Variants in PRELID2 observed in about 807,000 individuals in gnomAD.
PRELID2 encodes the protein PRELI domain-containing protein 2.
Under a neutral mutation model 28.4 loss-of-function variants are expected in PRELID2, and 25 were observed. The observed-to-expected ratio is 0.88, with a 90% confidence interval of 0.64 to 1.23. The LOEUF (loss-of-function observed/expected upper bound fraction) is 1.23. PRELID2 is among the 50% of genes most tolerant of loss of function. The pLI is 0.00. For missense variants in PRELID2, 201 were observed against 214.4 expected (o/e 0.94, Z 0.39); for synonymous variants, 76 against 71.6 (o/e 1.06, Z -0.31).
At position 145,694,800 on chromosome 5, in the gene PRELID2, G is replaced by GA. The variant is rs111466637; in HGVS notation, n.70+70130dup. Among the ~76,000 whole-genome samples, 972 of 140,764 alleles carry GA rather than the reference G, an allele frequency of 6.9e-3. 14 individuals are homozygous for GA. Among genetic ancestry groups the GA allele is most frequent in the African/African-American group, 0.021 (838 of 38,978 alleles). 92.3% of individuals were successfully genotyped at this position (140,764 alleles called of 152,430 possible). On this transcript the variant is annotated intron_variant and non_coding_transcript_variant, in intron 1 of 2. Coordinates refer to the PRELID2 transcript ENST00000510259. ...TAGAAGACAATAATTGCATCCAAAG[G>GA]AAAAAAAAAAAAGGAAAGAGTGGCA...
intron 1 of PRELID2, among the ~76,000 whole-genome samples, chr5:145,742,840 T>G (rs750278834): frequency 6.6e-6 from 1 of 151,874 alleles, no homozygotes; most frequent in Non-Finnish European, 1.5e-5. Context: ...ATTAAACTTC[T>G]AGCAAGACTG....
rs992579413 is a variant in PRELID2, at chr5:145,724,608, T to A, written n.70+40323A>T. On this transcript the variant is annotated intron_variant and non_coding_transcript_variant, in intron 1 of 2. Transcript: ENST00000510259. ...ATAACAAGAAGTAAATAAATATATA[T>A]ATATATATATATATATATATATATA... Among the ~76,000 whole-genome samples the A allele has an allele frequency of 2.6e-3, 116 of 44,332 alleles. 2 individuals carry two copies. Among genetic ancestry groups the A allele is most frequent in the African/African-American group, 0.016 (102 of 6,186 alleles). The allele number at this position is 44,332 out of a possible 152,430, so 29.1% of individuals were successfully genotyped here. A position where few individuals can be genotyped will look rare whatever the true frequency, so the allele number is the denominator to read the frequency against.
At chr5:145,555,974 T>C (rs1752876496) in intron 1 of PRELID2, among the ~76,000 whole-genome samples, 1 of 152,020 alleles carries the variant, frequency 6.6e-6, no homozygotes, top group African/African-American at 2.4e-5. Context: ...GCTCAGGAGT[T>C]CGAGACTAGC....
the PRELID2 span, among the ~76,000 whole-genome samples, chr5:145,313,208 T>A: frequency 2.0e-5 from 3 of 152,332 alleles, no homozygotes; most frequent in East Asian, 5.8e-4. Flanking sequence ...TTAATGCAGT[T>A]ATACCTTCAA....
chr5:145,654,189 A>T (rs1264357098), intron 1 of PRELID2, among the ~76,000 whole-genome samples: 1 of 152,242 alleles, frequency 6.6e-6, no homozygotes, highest in East Asian at 1.9e-4. Flanking sequence ...CCCTCCCAAG[A>T]CTAAACCAGG....
the PRELID2 span, among the ~76,000 whole-genome samples, chr5:145,337,733 T>TATATA: frequency 3.1e-5 from 3 of 96,076 alleles, no homozygotes; most frequent in Admixed American, 1.2e-4. Flanking sequence ...ATATATATAC[T>TATATA]CACACACACA....
At chr5:145,244,120 A>AT in the PRELID2 span, among the ~76,000 whole-genome samples, 2 of 151,880 alleles carry the variant, frequency 1.3e-5, no homozygotes, top group African/African-American at 4.8e-5. Context: ...TGCCCAGATA[A>AT]TTTTTTGTAT....
intron 3 of PRELID2, chr5:145,819,565 G>T: frequency 3.5e-6 from 2 of 577,516 alleles, no homozygotes; most frequent in Non-Finnish European, 6.0e-6. Context: ...AGAAACTGAA[G>T]TTTTTCTCTT....
chr5:145,399,301 C>G, the PRELID2 span, among the ~76,000 whole-genome samples: 1 of 151,990 alleles, frequency 6.6e-6, no homozygotes, highest in Admixed American at 6.6e-5. Context: ...AAAGCCACTC[C>G]TGGTTAAGAA....
chr5:145,698,619 C>T (rs1051561784), intron 1 of PRELID2, among the ~76,000 whole-genome samples: 2 of 152,164 alleles, frequency 1.3e-5, no homozygotes, highest in African/African-American at 2.4e-5. Flanking sequence ...GTAGAAGGGG[C>T]AATGCAGCTG....
At chr5:145,334,136 C>A in the PRELID2 span, among the ~76,000 whole-genome samples, 10 of 152,224 alleles carry the variant, frequency 6.6e-5, no homozygotes, top group African/African-American at 2.4e-4. Flanking sequence ...AGAAGAGCTG[C>A]GTACCTCAGC....
At chr5:145,654,708 C>G (rs986149119) in intron 1 of PRELID2, among the ~76,000 whole-genome samples, 1 of 152,102 alleles carries the variant, frequency 6.6e-6, no homozygotes, top group Non-Finnish European at 1.5e-5. Context: ...ACCCTTCATG[C>G]TAAAAACTCT....
At chr5:145,527,881 A>T (rs985679369) in intron 1 of PRELID2, among the ~76,000 whole-genome samples, 11 of 152,312 alleles carry the variant, frequency 7.2e-5, no homozygotes, top group East Asian at 3.9e-4. Flanking sequence ...GAAAGTGTTA[A>T]CTTTATTATC....
the PRELID2 span, among the ~76,000 whole-genome samples, chr5:145,266,783 C>A: frequency 1.3e-5 from 2 of 151,956 alleles, no homozygotes; most frequent in Non-Finnish European, 2.9e-5. Context: ...ATATATGGAA[C>A]CAGCCCAAAT....
chr5:145,535,888 A>G (rs1363448707), intron 1 of PRELID2, among the ~76,000 whole-genome samples: 4 of 151,942 alleles, frequency 2.6e-5, no homozygotes, highest in Non-Finnish European at 5.9e-5. Flanking sequence ...GTTCACATCC[A>G]TATGTCTGTA....
At chr5:145,339,958 A>T in the PRELID2 span, among the ~76,000 whole-genome samples, 2 of 152,080 alleles carry the variant, frequency 1.3e-5, no homozygotes, top group Non-Finnish European at 2.9e-5. Flanking sequence ...TACTGCTCTG[A>T]GACCAAGGTG....
At position 145,758,701 on chromosome 5, in the gene PRELID2, A is replaced by G. The variant is rs1757335365; in HGVS notation, c.*1835T>C. Among the ~76,000 whole-genome samples, 1 of 152,160 alleles carries G rather than the reference A, an allele frequency of 6.6e-6. No homozygotes were observed. Among genetic ancestry groups the G allele is most frequent in the Admixed American group, 6.5e-5 (1 of 15,270 alleles). ...TTTTTGAAATAGGCTATTACTCCAA[A>G]AGCCTACCAAATGCCATCTACAAAT... On this transcript the variant is annotated 3_prime_UTR_variant, in exon 7 of 7. Transcript: ENST00000683046.
At chr5:145,602,900 A>C (rs1753416966) in intron 1 of PRELID2, among the ~76,000 whole-genome samples, 1 of 152,094 alleles carries the variant, frequency 6.6e-6, no homozygotes, top group South Asian at 2.1e-4. Flanking sequence ...AAAAATACAA[A>C]AATTTGCCAG....
intron 5 of PRELID2, chr5:145,795,156 T>A (rs1241661373): frequency 6.6e-6 from 1 of 152,130 alleles, no homozygotes; most frequent in African/African-American, 2.4e-5. Flanking sequence ...GTAAGAAACA[T>A]GGCAATGAAA....
Sources: gnomAD v4.1 joint callset for allele counts (sites outside exome capture counted in the v4.1 genomes callset) on GRCh38, gnomAD v4.1.1 for gene constraint, MANE v1.5 for transcripts, NCBI Gene and HGNC (gene_info 2026-07-23, HGNC 2026-07-21) for gene names.